Variants in TMEM178B observed in about 807,000 individuals in gnomAD.
The protein encoded by TMEM178B is transmembrane protein 178B.
Under a neutral mutation model 31.0 loss-of-function variants are expected in TMEM178B, and 5 were observed. The ratio of observed to expected loss-of-function variants is 0.16; its 90% CI spans 0.08 to 0.34. The LOEUF (loss-of-function observed/expected upper bound fraction) is 0.34. Among genes scored for constraint, TMEM178B ranks in the 10% least tolerant of loss-of-function variants. The pLI, the probability that TMEM178B is intolerant of heterozygous loss-of-function variation, is 1.00. For missense variants in TMEM178B, 275 were observed against 400.3 expected (o/e 0.69, Z 2.67); for synonymous variants, 164 against 164.0 (o/e 1.00, Z 0.00).
intron 1 of TMEM178B, among the ~76,000 whole-genome samples, chr7:141,199,079 A>G (rs1796833204): frequency 6.6e-6 from 1 of 152,368 alleles, no homozygotes; most frequent in South Asian, 2.1e-4. Context: ...AGGATGGGCC[A>G]TGAGGGGCAC....
chr7:141,343,999 C>T (rs1799564251), intron 2 of TMEM178B, among the ~76,000 whole-genome samples: 1 of 152,188 alleles, frequency 6.6e-6, no homozygotes, highest in African/African-American at 2.4e-5. Context: ...AATAAAACCA[C>T]TTATTCATAC....
chr7:141,236,455 G>C (rs1797528525), intron 2 of TMEM178B, among the ~76,000 whole-genome samples: 1 of 152,156 alleles, frequency 6.6e-6, no homozygotes. Context: ...AGGTAAGCAG[G>C]GGCACTGGGG....
intron 1 of TMEM178B, among the ~76,000 whole-genome samples, chr7:141,140,903 G>T (rs1401321596): frequency 1.3e-5 from 2 of 152,168 alleles, no homozygotes; most frequent in African/African-American, 4.8e-5. Context: ...CGTTGATTTT[G>T]ATCACCTGAA....
At chr7:141,255,445 C>T (rs544334314) in intron 2 of TMEM178B, among the ~76,000 whole-genome samples, 67 of 152,170 alleles carry the variant, frequency 4.4e-4, no homozygotes, top group Non-Finnish European at 9.0e-4. Flanking sequence ...CATTAACAAA[C>T]ATATGTACCT....
chr7:141,281,049 C>A (rs899156958), intron 2 of TMEM178B, among the ~76,000 whole-genome samples: 4 of 152,202 alleles, frequency 2.6e-5, no homozygotes, highest in East Asian at 1.9e-4. Flanking sequence ...TTGCTCTGCA[C>A]CCTCTCCTGG....
chr7:141,109,592 A>G (rs907078983), intron 1 of TMEM178B, among the ~76,000 whole-genome samples: 8 of 152,082 alleles, frequency 5.3e-5, no homozygotes, highest in African/African-American at 1.9e-4. Flanking sequence ...AAGCATTGCA[A>G]GGGGGGGACT....
chr7:141,101,835 C>T (rs1046587890), intron 1 of TMEM178B, among the ~76,000 whole-genome samples: 2 of 151,988 alleles, frequency 1.3e-5, no homozygotes, highest in African/African-American at 4.8e-5. Flanking sequence ...ATAATCGGAA[C>T]ATGGGGATCT....
chr7:141,398,711 G>T (rs566805974), intron 2 of TMEM178B, among the ~76,000 whole-genome samples: 3 of 152,190 alleles, frequency 2.0e-5, no homozygotes, highest in Non-Finnish European at 4.4e-5. Flanking sequence ...GAAGCCACAG[G>T]GGGTACTGTG....
chr7:141,242,585 AG>A (rs1797643999), intron 2 of TMEM178B, among the ~76,000 whole-genome samples: 1 of 131,772 alleles, frequency 7.6e-6, no homozygotes, highest in Non-Finnish European at 1.5e-5. Flanking sequence ...TCTGTTGCCC[AG>A]GGTGGAGTGC....
rs573449289 is a variant in TMEM178B at position 141,230,695 on chromosome 7, A to G, written c.496+17991A>G. ...TCTGTCACTCAGGTTGGAGTGCAGT[A>G]GTGCAGTCATGGCTCACTGCAGTCT... On this transcript the variant is annotated intron_variant, in intron 2 of 3. Coordinates refer to ENST00000565468, the MANE Select transcript of TMEM178B (RefSeq NM_001195278.2). 5.1e-4 allele frequency among the ~76,000 whole-genome samples: 78 copies of G among 152,298 alleles called. 1 individual carries two copies. The highest frequency in any genetic ancestry group is 1.8e-3 in the African/African-American group (76 of 41,560).
intron 2 of TMEM178B, among the ~76,000 whole-genome samples, chr7:141,385,530 C>A (rs1188410860): frequency 6.6e-6 from 1 of 152,148 alleles, no homozygotes; most frequent in East Asian, 1.9e-4. Flanking sequence ...ATACCTAGAG[C>A]AAATAGTGGG....
chr7:141,220,347 TAATAATAATAATAA>T lies in TMEM178B; in HGVS notation c.496+7652_496+7665del, dbSNP rs1335073796. Among the ~76,000 whole-genome samples, 1,081 of 120,782 alleles carry T rather than the reference TAATAATAATAATAA, an allele frequency of 9.0e-3. 12 individuals are homozygous for T. The highest frequency in any genetic ancestry group is 0.031 in the African/African-American group (990 of 31,888). 79.2% of individuals were successfully genotyped at this position (120,782 alleles called of 152,430 possible). On this transcript the variant is annotated intron_variant, in intron 2 of 3. Coordinates refer to ENST00000565468, the MANE Select transcript of TMEM178B (RefSeq NM_001195278.2). Reference sequence around the variant, plus strand: ...ATAATAATAATAATAATAATAATAATAATAATAATAATAAAATAATAAATGCATGTGCATGTACA... The same window carrying T: ...ATAATAATAATAATAATAATAATAATAATAATAAATGCATGTGCATGTACA...
At chr7:141,368,727 G>A (rs536894858) in intron 2 of TMEM178B, among the ~76,000 whole-genome samples, 1 of 152,332 alleles carries the variant, frequency 6.6e-6, no homozygotes, top group East Asian at 1.9e-4. Context: ...AAGTAAAAGA[G>A]GCATATAGGT....
chr7:141,263,528 G>A (rs558021246), intron 2 of TMEM178B, among the ~76,000 whole-genome samples: 1 of 152,290 alleles, frequency 6.6e-6, no homozygotes, highest in Admixed American at 6.5e-5. Context: ...GCTGGGGTAG[G>A]GGAAAGGTCT....
Position 141,279,377 on chromosome 7 carries a change from T to G in TMEM178B, c.496+66673T>G, listed in dbSNP as rs375320522. Among the ~76,000 whole-genome samples, 79 of 152,388 alleles carry G rather than the reference T, an allele frequency of 5.2e-4. No homozygotes were observed. The South Asian group carries it at 0.016, about 30-fold the overall frequency. ...AGGATGGTGTTAAAGGGTTTTGTTTTTAAAACAGTGTTACTTTTAGCAAAG... is the reference window on the plus strand; with the variant it reads ...AGGATGGTGTTAAAGGGTTTTGTTTGTAAAACAGTGTTACTTTTAGCAAAG... On this transcript the variant is annotated intron_variant, in intron 2 of 3. Coordinates refer to ENST00000565468, the MANE Select transcript of TMEM178B (RefSeq NM_001195278.2).
chr7:141,227,142 G>T (rs1342953198), intron 2 of TMEM178B, among the ~76,000 whole-genome samples: 1 of 152,224 alleles, frequency 6.6e-6, no homozygotes, highest in Non-Finnish European at 1.5e-5. Context: ...ACACAGAGCA[G>T]TGACACAGAC....
intron 2 of TMEM178B, among the ~76,000 whole-genome samples, chr7:141,239,797 G>A (rs1183386479): frequency 6.6e-6 from 1 of 152,084 alleles, no homozygotes; most frequent in Non-Finnish European, 1.5e-5. Context: ...ATAGGACTTG[G>A]TGGATCTGCT....
intron 2 of TMEM178B, among the ~76,000 whole-genome samples, chr7:141,336,892 T>TC (rs1799403106): frequency 5.3e-5 from 1 of 18,944 alleles, no homozygotes; most frequent in Non-Finnish European, 1.1e-4. Context: ...CCATCACCGC[T>TC]ACCACCACCA....
chr7:141,116,241 A>G, intron 1 of TMEM178B, among the ~76,000 whole-genome samples: 1 of 152,196 alleles, frequency 6.6e-6, no homozygotes, highest in East Asian at 1.9e-4. Context: ...TTGTGCCAAC[A>G]CAGCCATAAG....
Sources: allele counts gnomAD v4.1 joint callset (sites outside exome capture counted in the v4.1 genomes callset), GRCh38; gene constraint gnomAD v4.1.1; transcripts MANE v1.5; gene names NCBI Gene and HGNC (gene_info 2026-07-23, HGNC 2026-07-21).